The following MACROD2 variants were observed in gnomAD, a reference collection of about 807,000 sequenced individuals.
The protein encoded by MACROD2 is ADP-ribose glycohydrolase MACROD2.
In MACROD2, 36 loss-of-function variants were observed where a neutral mutation model predicts 70.4. The observed-to-expected ratio is 0.51, with a 90% CI of 0.39 to 0.68. MACROD2 has a LOEUF of 0.68. Ranked by LOEUF, MACROD2 falls within the 30% of genes least tolerant of loss-of-function variation. The probability of loss-of-function intolerance (pLI) is 0.00; values close to 1 mark genes in which losing one functional copy is unlikely to be tolerated. For synonymous variants in MACROD2, 172 were observed against 178.8 expected, an observed-to-expected ratio of 0.96 and a Z score of 0.30; for missense variants, 496 against 538.4, an observed-to-expected ratio of 0.92 and a Z score of 0.78.
At chr20:15,433,527 A>G (rs890759116) in intron 7 of MACROD2, among the ~76,000 whole-genome samples, 1 of 151,668 alleles carries the variant, frequency 6.6e-6, no homozygotes, top group African/African-American at 2.4e-5. Flanking sequence ...AAACATCTCT[A>G]CAAGACAAAC....
intron 3 of MACROD2, among the ~76,000 whole-genome samples, chr20:14,353,140 A>G (rs1216949942): frequency 1.3e-5 from 2 of 152,178 alleles, no homozygotes; most frequent in African/African-American, 4.8e-5. Context: ...TAGGGGGTCT[A>G]GGGTGTGTAT....
intron 6 of MACROD2, among the ~76,000 whole-genome samples, chr20:15,270,891 T>C (rs556636168): frequency 7.4e-4 from 112 of 152,324 alleles, no homozygotes; most frequent in Non-Finnish European, 1.4e-3. Context: ...TTCTGATTTC[T>C]TCTCACCACC....
chr20:14,225,482 G>T (rs1364749927), intron 3 of MACROD2, among the ~76,000 whole-genome samples: 2 of 152,082 alleles, frequency 1.3e-5, no homozygotes, highest in Non-Finnish European at 2.9e-5. Flanking sequence ...AATGTACTTA[G>T]CTTTTCAAAT....
intron 8 of MACROD2, among the ~76,000 whole-genome samples, chr20:15,602,941 T>TA (rs5840673): frequency 3.6e-4 from 54 of 150,168 alleles, no homozygotes; most frequent in Admixed American, 6.6e-4. Context: ...CCCATTTTCT[T>TA]AAAAAAAAAA....
intron 5 of MACROD2, among the ~76,000 whole-genome samples, chr20:14,890,679 G>T (rs948209611): frequency 6.6e-6 from 1 of 151,166 alleles, no homozygotes; most frequent in Non-Finnish European, 1.5e-5. Context: ...GGAGGATTAC[G>T]TGAGCCCAGA....
At chr20:14,354,494 G>C (rs1327891445) in intron 3 of MACROD2, among the ~76,000 whole-genome samples, 2 of 152,092 alleles carry the variant, frequency 1.3e-5, no homozygotes, top group Non-Finnish European at 2.9e-5. Flanking sequence ...TATCCTAGCA[G>C]TTTTTAAAGT....
chr20:14,757,707 A>G (rs2071959330), intron 5 of MACROD2: 2 of 1,488,580 alleles, frequency 1.3e-6, no homozygotes, highest in African/African-American at 2.8e-5. Flanking sequence ...AAGGCCATGC[A>G]GTCTCTCAAG....
chr20:15,074,768 C>T (rs1015563119), intron 5 of MACROD2, among the ~76,000 whole-genome samples: 1 of 152,122 alleles, frequency 6.6e-6, no homozygotes, highest in Non-Finnish European at 1.5e-5. Context: ...ATGTCAGAAG[C>T]GTTCTGTGTG....
chr20:16,032,990 T>C (rs1436580387), intron 15 of MACROD2, among the ~76,000 whole-genome samples: 2 of 152,090 alleles, frequency 1.3e-5, no homozygotes, highest in Non-Finnish European at 2.9e-5. Context: ...TGCGTGACTG[T>C]GACTAAAGAA....
chr20:15,947,204 G>A (rs1381916552), intron 12 of MACROD2, among the ~76,000 whole-genome samples: 1 of 152,046 alleles, frequency 6.6e-6, no homozygotes, highest in East Asian at 1.9e-4. Flanking sequence ...ACTGCAAGAG[G>A]CTTTCCTCTT....
intron 7 of MACROD2, among the ~76,000 whole-genome samples, chr20:15,485,683 T>G (rs1482730747): frequency 6.6e-6 from 1 of 152,210 alleles, no homozygotes; most frequent in Non-Finnish European, 1.5e-5. Flanking sequence ...GGTCTCTTCA[T>G]TCTCCTGTCA....
At chr20:14,128,555 G>A (rs528859686) in intron 3 of MACROD2, among the ~76,000 whole-genome samples, 1 of 152,268 alleles carries the variant, frequency 6.6e-6, no homozygotes, top group South Asian at 2.1e-4. Flanking sequence ...GAAGACCTAG[G>A]TAAGATAATT....
chr20:14,788,929 C>T (rs933767452), intron 5 of MACROD2, among the ~76,000 whole-genome samples: 53 of 151,688 alleles, frequency 3.5e-4, no homozygotes, highest in Non-Finnish European at 3.2e-4. Flanking sequence ...CCACGATGCC[C>T]GGCTAATTTT....
At chr20:14,056,797 G>C (rs2053635205) in intron 2 of MACROD2, among the ~76,000 whole-genome samples, 1 of 150,856 alleles carries the variant, frequency 6.6e-6, no homozygotes, top group African/African-American at 2.4e-5. Context: ...GTCCTCTGAA[G>C]GGTATACAGT....
intron 4 of MACROD2, among the ~76,000 whole-genome samples, chr20:14,596,006 G>A (rs1407094568): frequency 2.6e-5 from 4 of 151,994 alleles, no homozygotes; most frequent in Non-Finnish European, 5.9e-5. Context: ...TGCTTGAATG[G>A]GTTTAATATT....
At chr20:14,411,289 A>G (rs13037096) in intron 3 of MACROD2, among the ~76,000 whole-genome samples, 23,242 of 152,078 alleles carry the variant, frequency 0.15, 2,485 homozygotes, top group Non-Finnish European at 0.23. Flanking sequence ...TAAGAAATCT[A>G]TCACACTTTT....
rs1021839537 is a variant in MACROD2, at chr20:15,267,976, G to A, written c.540+37915G>A. On this transcript the variant is annotated intron_variant, in intron 6 of 17. Transcript: ENST00000684519. ...TTTTCTCACCCTTCTGTGTGTCCAC[G>A]AACCTAATCTTTCCTGGTCATGTGA... is the stretch of plus-strand genomic sequence containing the variant. Among the ~76,000 whole-genome samples the A allele has an allele frequency of 8.5e-5, 13 of 152,154 alleles. No individual in the cohort carries two copies. In the East Asian group the frequency reaches 2.1e-3, roughly 25 times the overall value.
chr20:15,637,635 G>A (rs1240643151), intron 8 of MACROD2, among the ~76,000 whole-genome samples: 2 of 152,202 alleles, frequency 1.3e-5, no homozygotes, highest in African/African-American at 2.4e-5. Context: ...CAACATTGGG[G>A]GATGTTCGAG....
intron 8 of MACROD2, among the ~76,000 whole-genome samples, chr20:15,608,842 C>T: frequency 6.6e-6 from 1 of 152,058 alleles, no homozygotes; most frequent in East Asian, 1.9e-4. Flanking sequence ...TTTTCTTGCT[C>T]CTTTACCTGA....
Sources: gnomAD v4.1 joint callset for allele counts (sites outside exome capture counted in the v4.1 genomes callset) on GRCh38, gnomAD v4.1.1 for gene constraint, MANE v1.5 for transcripts, NCBI Gene and HGNC (gene_info 2026-07-23, HGNC 2026-07-21) for gene names.